PDC: variants seen among roughly 807,000 people sequenced by gnomAD.
PDC encodes the protein phosducin.
In PDC, 19 loss-of-function variants were observed where a neutral mutation model predicts 22.2. That is an observed-to-expected ratio of 0.86 (90% CI 0.60 to 1.26). The LOEUF (loss-of-function observed/expected upper bound fraction) is 1.26. Among genes scored for constraint, PDC ranks in the 50% most tolerant of loss-of-function variants. PDC has a pLI of 0.00. For synonymous variants in PDC, 97 were observed against 96.2 expected, an observed-to-expected ratio of 1.01 and a Z score of -0.05; for missense variants, 274 against 286.8, an observed-to-expected ratio of 0.96 and a Z score of 0.32.
rs1479319186 is a variant in PDC at position 186,444,275 on chromosome 1, CACA to C, written c.442_444del (p.Cys148del). ...CATGTTAAACTACTGTTTAGAGCAT[CACA>C]ACCCTTAATACCATCTTCATAAATG... On this transcript the variant is annotated inframe_deletion, in exon 4 of 4. Coordinates refer to ENST00000391997, the MANE Select transcript of PDC (RefSeq NM_002597.5). 6.2e-7 allele frequency: 1 copy of C among 1,613,838 alleles called. No individual in the cohort carries two copies. The highest frequency in any genetic ancestry group is 8.5e-7 in the Non-Finnish European group (1 of 1,179,870).
At chr1:186,446,307 C>T (rs1662226081) in intron 3 of PDC, 119 bp downstream of exon 3, 5 of 676,824 alleles carry the variant, frequency 7.4e-6, no homozygotes, top group Non-Finnish European at 1.1e-5. Context: ...TTTTTTTTTG[C>T]CAGCGTAAGC....
In PDC at chr1:186,443,748, C is replaced by CT; in HGVS notation, c.*230dup. On this transcript the variant is annotated 3_prime_UTR_variant, in exon 4 of 4. Coordinates refer to ENST00000391997, the MANE Select transcript of PDC (RefSeq NM_002597.5). ...AATGTCATAATATTATCCACATCCTCTTTGTCTACTAATAATGTTGCTGAA... is the reference window on the plus strand; with the variant it reads ...AATGTCATAATATTATCCACATCCTCTTTTGTCTACTAATAATGTTGCTGAA... The CT allele has an allele frequency of 2.2e-6, 1 of 450,430 alleles. No individual in the cohort carries two copies. The highest frequency in any genetic ancestry group is 3.9e-6 in the Non-Finnish European group (1 of 254,398). The allele number at this position is 450,430 out of a possible 1,614,324, so 27.9% of individuals were successfully genotyped here. A position where few individuals can be genotyped will look rare whatever the true frequency, so the allele number is the denominator to read the frequency against.
intron 1 of PDC, among the ~76,000 whole-genome samples, chr1:186,455,425 T>C (rs1166031349): frequency 6.6e-6 from 1 of 152,200 alleles, no homozygotes; most frequent in East Asian, 1.9e-4. Context: ...TTCTGACTTT[T>C]GCAAAGAATG....
At chr1:186,446,336 T>A in intron 3 of PDC, 90 bp downstream of exon 3, 1 of 994,922 alleles carries the variant, frequency 1.0e-6, no homozygotes, top group South Asian at 2.2e-5. Context: ...AATGAATATA[T>A]TTTGTAATAG....
chr1:186,444,627 C>A, intron 3 of PDC, 121 bp from the exon 4 acceptor site: 1 of 623,918 alleles, frequency 1.6e-6, no homozygotes, highest in South Asian at 2.1e-5. Context: ...GACCACCTAC[C>A]TTTCACTCCT....
At chr1:186,447,157 T>C (rs1302122267) in intron 2 of PDC, among the ~76,000 whole-genome samples, 1 of 115,804 alleles carries the variant, frequency 8.6e-6, no homozygotes, top group Non-Finnish European at 1.9e-5. Context: ...GGCAGATTAT[T>C]TTTTTTTTTG....
At chr1:186,445,192 G>A (rs996135312) in intron 3 of PDC, among the ~76,000 whole-genome samples, 2 of 152,094 alleles carry the variant, frequency 1.3e-5, no homozygotes, top group Non-Finnish European at 2.9e-5. Flanking sequence ...AGAAAAAAAG[G>A]TATAAAGGAA....
chr1:186,446,261 T>C (rs915155033), intron 3 of PDC, among the ~76,000 whole-genome samples, 165 bp downstream of exon 3: 1 of 152,232 alleles, frequency 6.6e-6, no homozygotes, highest in Non-Finnish European at 1.5e-5. Flanking sequence ...CTGTTCTTAG[T>C]ATAGAATGCC....
At position 186,443,919 on chromosome 1, in the gene PDC, C is replaced by T; in HGVS notation, c.*60G>A. 1 of 1,285,830 alleles carries T rather than the reference C, an allele frequency of 7.8e-7. No individual in the cohort carries two copies. The allele number at this position is 1,285,830 out of a possible 1,614,324, so 79.7% of individuals were successfully genotyped here. On this transcript the variant is annotated 3_prime_UTR_variant, in exon 4 of 4. Transcript: ENST00000391997. ...TGTGTTCACTAAAGCAATATAGATA[C>T]TACCAAAACCATCATCCAATACCTA...
At chr1:186,454,168 C>CTTTTTTTTTTTTTTTTTTTT (rs397860509) in intron 1 of PDC, among the ~76,000 whole-genome samples, 1 of 94,230 alleles carries the variant, frequency 1.1e-5, no homozygotes, top group Non-Finnish European at 2.0e-5. Flanking sequence ...TCTTTTCTTT[C>CTTTTTTTTTTTTTTTTTTTT]TTTTTTTTTT....
chr1:186,456,609 C>A (rs1044070883), intron 1 of PDC, among the ~76,000 whole-genome samples: 2 of 152,122 alleles, frequency 1.3e-5, no homozygotes, highest in Admixed American at 1.3e-4. Flanking sequence ...GTAAAATTTT[C>A]AGAGTAAGAT....
At chr1:186,450,467 C>T (rs373029980) in intron 1 of PDC, among the ~76,000 whole-genome samples, 3 of 152,070 alleles carry the variant, frequency 2.0e-5, no homozygotes, top group East Asian at 3.9e-4. Flanking sequence ...GTCTCCTGAG[C>T]GGCGGGGACT....
chr1:186,459,059 G>C (rs753477172), intron 1 of PDC, among the ~76,000 whole-genome samples: 19 of 152,208 alleles, frequency 1.2e-4, no homozygotes, highest in Non-Finnish European at 2.8e-4. Context: ...ATACTCCGGA[G>C]GCTGACGCAG....
intron 1 of PDC, among the ~76,000 whole-genome samples, chr1:186,459,254 A>T (rs1245691341): frequency 6.6e-6 from 1 of 151,696 alleles, no homozygotes; most frequent in Non-Finnish European, 1.5e-5. Context: ...TGCTTTGCAG[A>T]TCTGAAGTGG....
At chr1:186,458,125 T>A (rs1466278506) in intron 1 of PDC, among the ~76,000 whole-genome samples, 2 of 151,858 alleles carry the variant, frequency 1.3e-5, no homozygotes, top group South Asian at 2.1e-4. Flanking sequence ...TAAAAAAAAA[T>A]TTACTCTGGA....
In PDC at chr1:186,446,489, GAGA is replaced by G; in HGVS notation, c.147_149del (p.Leu50del). 6.2e-7 allele frequency: 1 copy of G among 1,607,358 alleles called. No individual in the cohort carries two copies. The highest frequency in any genetic ancestry group is 8.5e-7 in the Non-Finnish European group (1 of 1,174,910). On this transcript the variant is annotated inframe_deletion, in exon 3 of 4. Transcript: ENST00000391997. ...TACTCTGAGGAGAAGACATTTGCCTGAGAATCTCCTTCTTGCTAGGTGGAATTG... is the reference window on the plus strand; with the variant it reads ...TACTCTGAGGAGAAGACATTTGCCTGATCTCCTTCTTGCTAGGTGGAATTG...
At chr1:186,456,751 GC>G (rs1488288969) in intron 1 of PDC, among the ~76,000 whole-genome samples, 2 of 152,190 alleles carry the variant, frequency 1.3e-5, no homozygotes, top group Non-Finnish European at 2.9e-5. Flanking sequence ...CACTAAAAAG[GC>G]ATTGTAATGA....
chr1:186,461,079 G>A lies in PDC; in HGVS notation c.-45C>T, dbSNP rs541701756. ...CTCACAGTTTGGATCTCTGTGCCTG[G>A]TGTCCTTGTTGAGTGGGTGAGAATC... is the stretch of plus-strand genomic sequence containing the variant. On this transcript the variant is annotated 5_prime_UTR_variant, in exon 1 of 4. Coordinates refer to ENST00000391997, the MANE Select transcript of PDC (RefSeq NM_002597.5). 1 of 154,832 alleles carries A rather than the reference G, an allele frequency of 6.5e-6. No homozygotes were observed. Among genetic ancestry groups the A allele is most frequent in the Admixed American group, 6.5e-5 (1 of 15,306 alleles). The allele number at this position is 154,832 out of a possible 1,614,324, so 9.6% of individuals were successfully genotyped here. A position where few individuals can be genotyped will look rare whatever the true frequency, so the allele number is the denominator to read the frequency against.
Position 186,449,480 on chromosome 1 carries a change from TA to T in PDC, c.-22del. Reference sequence around the variant, plus strand: ...TCCATTTTAGGGACTGGATTTGATATAATCTATAGGAGGAACAAAGAAATAA... The same window carrying T: ...TCCATTTTAGGGACTGGATTTGATATATCTATAGGAGGAACAAAGAAATAA... On this transcript the variant is annotated splice_region_variant and 5_prime_UTR_variant, in exon 2 of 4. Transcript: ENST00000391997. 1 of 1,492,978 alleles carries T rather than the reference TA, an allele frequency of 6.7e-7. No homozygotes were observed. Among genetic ancestry groups the T allele is most frequent in the Non-Finnish European group, 9.3e-7 (1 of 1,074,094 alleles). 92.5% of individuals were successfully genotyped at this position (1,492,978 alleles called of 1,614,324 possible). A position where few individuals can be genotyped will look rare whatever the true frequency, so the allele number is the denominator to read the frequency against.
Sources: allele counts gnomAD v4.1 joint callset (sites outside exome capture counted in the v4.1 genomes callset), GRCh38; gene constraint gnomAD v4.1.1; transcripts MANE v1.5; gene names NCBI Gene and HGNC (gene_info 2026-07-23, HGNC 2026-07-21).